ABCC11: variants seen among roughly 807,000 people sequenced by gnomAD.
ABCC11 encodes the protein ATP-binding cassette sub-family C member 11.
ABCC11 carries 135 observed loss-of-function variants against 149.3 expected under a neutral mutation model. The ratio of observed to expected loss-of-function variants is 0.90; its 90% CI spans 0.79 to 1.04. ABCC11 has a LOEUF of 1.04. Among genes scored for constraint, ABCC11 ranks in the 50% least tolerant of loss-of-function variants. The pLI is 0.00. For missense variants in ABCC11, 1,680 were observed against 1,722.1 expected (o/e 0.98, Z 0.43); for synonymous variants, 665 against 671.4 (o/e 0.99, Z 0.15).
At chr16:48,167,857 G>C (rs1353353865) in intron 28 of ABCC11, among the ~76,000 whole-genome samples, 197 bp from the exon 29 acceptor site, 1 of 152,162 alleles carries the variant, frequency 6.6e-6, no homozygotes, top group African/African-American at 2.4e-5. Flanking sequence ...GAGAACGTTA[G>C]GTCTCAACCA....
intron 22 of ABCC11, among the ~76,000 whole-genome samples, chr16:48,185,212 G>A (rs578195521): frequency 1.3e-5 from 2 of 152,254 alleles, no homozygotes; most frequent in East Asian, 3.9e-4. Flanking sequence ...GAGATTAAAA[G>A]CTTGATTTAA....
chr16:48,173,074 A>T (rs1057237361), intron 26 of ABCC11, among the ~76,000 whole-genome samples: 1 of 152,192 alleles, frequency 6.6e-6, no homozygotes, highest in African/African-American at 2.4e-5. Flanking sequence ...AAGCACTTTC[A>T]TAGATGGGTT....
At position 48,175,276 on chromosome 16, in the gene ABCC11, A is replaced by T. The variant is rs764013076; in HGVS notation, c.3680T>A (p.Leu1227Gln). Residue 1227 changes from leucine to glutamine, a missense_variant, in exon 26 of 30, where the codon CTG (leucine) becomes CAG (glutamine). Transcript: ENST00000356608. The part of the protein sequence containing the change: ...KLSVIPQDPV[L>Q]LSGTIRFNLD... ...CACTCACCTGATGGTTCCTGAGAGCAGCACTGGATCTTGAGGGATCACTGA... is the reference window on the plus strand; with the variant it reads ...CACTCACCTGATGGTTCCTGAGAGCTGCACTGGATCTTGAGGGATCACTGA... The T allele has an allele frequency of 8.1e-6, 13 of 1,612,894 alleles. No homozygotes were observed. Among genetic ancestry groups the T allele is most frequent in the Non-Finnish European group, 1.0e-5 (12 of 1,178,948 alleles).
intron 15 of ABCC11, among the ~76,000 whole-genome samples, chr16:48,198,637 A>T (rs1490650144): frequency 1.4e-4 from 20 of 143,090 alleles, no homozygotes; most frequent in Non-Finnish European, 2.3e-4. Flanking sequence ...ACACTGAAGT[A>T]TTTTTTTTTT....
chr16:48,231,905 G>A lies in ABCC11; in HGVS notation c.17C>T (p.Thr6Ile), dbSNP rs1200710177. ...ACCAGAAGAGTTGGGCACCCAGTATGTCCTCTTCCTAGTCATTTTCAGTTC... is the reference window on the plus strand; with the variant it reads ...ACCAGAAGAGTTGGGCACCCAGTATATCCTCTTCCTAGTCATTTTCAGTTC... MTRKR[T>I]YWVPNSSGGL... The change falls in exon 2 of 30, where the codon ACA becomes ATA. Residue 6 changes from threonine to isoleucine, a missense_variant. Coordinates refer to ENST00000356608, the MANE Select transcript of ABCC11 (RefSeq NM_001370497.1). The A allele has an allele frequency of 5.0e-6, 8 of 1,614,040 alleles. No individual in the cohort carries two copies. Among genetic ancestry groups the A allele is most frequent in the Non-Finnish European group, 6.8e-6 (8 of 1,180,020 alleles).
At position 48,187,043 on chromosome 16, in the gene ABCC11, C is replaced by T. The variant is rs1261913795; in HGVS notation, c.2981G>A (p.Ser994Asn). ...GATGTGGGAGAATAAAGGAGACCGG[C>T]TATAGTTCTCCAGTCTCTTGAACAC... ...IGVFKRLENY[S>N]RSPLFSHILN... The change falls in exon 22 of 30, where the codon AGC (serine) becomes AAC (asparagine). Residue 994 changes from serine (S) to asparagine (N), a missense_variant. Physicochemically the swap from Ser to Asn is conservative, Grantham distance 46 (BLOSUM62 1). Coordinates refer to ENST00000356608, the MANE Select transcript of ABCC11 (RefSeq NM_001370497.1). 1.2e-5 allele frequency: 19 copies of T among 1,614,036 alleles called. No individual in the cohort carries two copies. Among genetic ancestry groups the T allele is most frequent in the Non-Finnish European group, 1.6e-5 (19 of 1,180,028 alleles).
At chr16:48,182,576 G>A (rs1966507929) in intron 23 of ABCC11, among the ~76,000 whole-genome samples, 2 of 152,084 alleles carry the variant, frequency 1.3e-5, no homozygotes, top group South Asian at 2.1e-4. Context: ...TCAGGAGATC[G>A]AGACCATCCT....
chr16:48,168,063 T>C (rs947438453), intron 28 of ABCC11, among the ~76,000 whole-genome samples: 4 of 152,254 alleles, frequency 2.6e-5, no homozygotes, highest in African/African-American at 4.8e-5. Context: ...ACATTCTTTT[T>C]AGTTTAACAT....
chr16:48,184,480 G>A lies in ABCC11; in HGVS notation c.3218C>T (p.Pro1073Leu), dbSNP rs200450927. Residue 1073 changes from proline (P) to leucine (L), a missense_variant, in exon 23 of 30, where the codon CCC becomes CTC. Coordinates refer to ENST00000356608, the MANE Select transcript of ABCC11 (RefSeq NM_001370497.1). Reference sequence around the variant, plus strand: ...GACAGCCATGACTTTAAAGGAGTAGGGGGTGGAGGAAATGCCAAAAGCCAC... The same window carrying A: ...GACAGCCATGACTTTAAAGGAGTAGAGGGTGGAGGAAATGCCAAAAGCCAC... The part of the protein sequence containing the change: ...LFVAFGISST[P>L]YSFKVMAVNI... 348 of 1,614,210 alleles carry A rather than the reference G, an allele frequency of 2.2e-4. 11 individuals are homozygous for A. The South Asian group carries it at 3.7e-3, about 17-fold the overall frequency.
chr16:48,193,569 C>A (rs1435466694), intron 19 of ABCC11, among the ~76,000 whole-genome samples: 2 of 152,140 alleles, frequency 1.3e-5, no homozygotes, highest in Non-Finnish European at 2.9e-5. Context: ...AGTATGGAGG[C>A]CAGCCTGGAG....
At chr16:48,244,912 C>T (rs1002010835) in intron 1 of ABCC11, among the ~76,000 whole-genome samples, 3 of 152,210 alleles carry the variant, frequency 2.0e-5, no homozygotes, top group Admixed American at 6.5e-5. Context: ...AATTCCTCGC[C>T]CTCGGTCTTC....
At position 48,200,284 on chromosome 16, in the gene ABCC11, G is replaced by T. The variant is rs772781329; in HGVS notation, c.2074C>A (p.Gln692Lys). The T allele has an allele frequency of 6.2e-7, 1 of 1,614,084 alleles. No individual in the cohort carries two copies. The highest frequency in any genetic ancestry group is 8.5e-7 in the Non-Finnish European group (1 of 1,180,004). Residue 692 changes from glutamine (Q) to lysine (K), a missense_variant, in exon 15 of 30, where the codon CAG becomes AAG. Gln to Lys is a moderately conservative substitution (Grantham distance 53). Transcript: ENST00000356608. Reference protein sequence around the residue: ...RGKTVVLVTHQLQYLEFCGQI... With the variant: ...RGKTVVLVTHKLQYLEFCGQI... ...CCTGGAAGGGTGCTAACCTGCAGCTGGTGGGTCACCAGGACGACCGTCTTC... is the reference window on the plus strand; with the variant it reads ...CCTGGAAGGGTGCTAACCTGCAGCTTGTGGGTCACCAGGACGACCGTCTTC...
chr16:48,222,925 T>C lies in ABCC11; in HGVS notation c.544-94A>G, dbSNP rs554495073. 2,493 of 1,072,722 alleles carry C rather than the reference T, an allele frequency of 2.3e-3. 7 individuals carry two copies. The highest frequency in any genetic ancestry group is 3.0e-3 in the Non-Finnish European group (2,194 of 738,760). 66.5% of individuals were successfully genotyped at this position (1,072,722 alleles called of 1,614,324 possible). A position where few individuals can be genotyped will look rare whatever the true frequency, so the allele number is the denominator to read the frequency against. ...AAGAAGGGTTGGGAGGTCTGATTCATGCTGGGGGTTTGTTGAAGGATCAAA... is the reference window on the plus strand; with the variant it reads ...AAGAAGGGTTGGGAGGTCTGATTCACGCTGGGGGTTTGTTGAAGGATCAAA... On this transcript the variant is annotated intron_variant, in intron 5 of 29. Transcript: ENST00000356608.
intron 5 of ABCC11, among the ~76,000 whole-genome samples, chr16:48,223,899 A>C (rs769181797): frequency 5.3e-5 from 8 of 152,024 alleles, no homozygotes; most frequent in African/African-American, 1.9e-4. Flanking sequence ...TGCTTTATAT[A>C]CTTATCTCAT....
At chr16:48,244,557 CT>C in intron 1 of ABCC11, 5 of 1,538,742 alleles carry the variant, frequency 3.2e-6, no homozygotes, top group Non-Finnish European at 4.4e-6. Context: ...AAGCACCATC[CT>C]GGGCGTCATC....
Position 48,230,185 on chromosome 16 carries a change from C to T in ABCC11, c.236+252G>A, listed in dbSNP as rs947737541. Among the ~76,000 whole-genome samples the T allele has an allele frequency of 2.0e-5, 3 of 152,370 alleles. No homozygotes were observed. In the South Asian group the frequency reaches 6.2e-4, roughly 32 times the overall value. On this transcript the variant is annotated intron_variant, in intron 3 of 29. Transcript: ENST00000356608. ...TGATGGCAAAGATCACGTCTGTTTG[C>T]TCACTGTTCTTCCCCTGTGATGTAG...
At chr16:48,216,486 T>A (rs866106382) in intron 6 of ABCC11, among the ~76,000 whole-genome samples, 199 bp from the exon 7 acceptor site, 1 of 152,240 alleles carries the variant, frequency 6.6e-6, no homozygotes, top group Non-Finnish European at 1.5e-5. Flanking sequence ...ACTCTGAGCC[T>A]CAGCTTCTCC....
At chr16:48,201,036 G>A (rs187625648) in intron 14 of ABCC11, among the ~76,000 whole-genome samples, 13 of 152,180 alleles carry the variant, frequency 8.5e-5, no homozygotes, top group South Asian at 2.1e-4. Context: ...TTTTCAAAAC[G>A]TGGTTAGTAG....
Position 48,213,499 on chromosome 16 carries a change from C to T in ABCC11, c.1300G>A (p.Val434Met), listed in dbSNP as rs79436893. 1 of 1,611,904 alleles carries T rather than the reference C, an allele frequency of 6.2e-7. No individual in the cohort carries two copies. The highest frequency in any genetic ancestry group is 2.2e-5 in the East Asian group (1 of 44,706). The change falls in exon 10 of 30, where the codon GTG (valine) becomes ATG (methionine). Residue 434 changes from valine (V) to methionine (M), a missense_variant. By Grantham distance (21) the Val-to-Met change is conservative. Coordinates refer to ENST00000356608, the MANE Select transcript of ABCC11 (RefSeq NM_001370497.1). Reference sequence around the variant, plus strand: ...GTGAGACCTTTGACTGCAATAGGCACAAAGAACACTGACAGCCGAAGGAGA... The same window carrying T: ...GTGAGACCTTTGACTGCAATAGGCATAAAGAACACTGACAGCCGAAGGAGA... Reference protein sequence around the residue: ...LNLLRLSVFFVPIAVKGLTNS... With the variant: ...LNLLRLSVFFMPIAVKGLTNS...
Sources: allele counts gnomAD v4.1 joint callset (sites outside exome capture counted in the v4.1 genomes callset), GRCh38; gene constraint gnomAD v4.1.1; transcripts MANE v1.5; gene names NCBI Gene and HGNC (gene_info 2026-07-23, HGNC 2026-07-21).